Variants in NEXMIF observed in about 807,000 individuals in gnomAD.
The protein encoded by NEXMIF is neurite extension and migration factor.
Under a neutral mutation model 62.1 loss-of-function variants are expected in NEXMIF, and 8 were observed. That is an observed-to-expected ratio of 0.13 (90% CI 0.08 to 0.23). NEXMIF has a LOEUF of 0.23. Among genes scored for constraint, NEXMIF ranks in the 10% least tolerant of loss-of-function variants. The pLI is 1.00. For synonymous variants in NEXMIF, 404 were observed against 416.6 expected (o/e 0.97, Z 0.37); for missense variants, 976 against 1,113.3 (o/e 0.88, Z 1.75).
At chrX:74,906,012 G>A (rs960891444) in intron 1 of NEXMIF, among the ~76,000 whole-genome samples, 2 of 111,236 alleles carry the variant, frequency 1.8e-5, no homozygotes, top group African/African-American at 6.5e-5. Flanking sequence ...GCTCATGCCT[G>A]TAATCCCAGC....
chrX:74,740,365 C>T lies in NEXMIF; in HGVS notation c.4192G>A (p.Val1398Met). 1 of 1,212,064 alleles carries T rather than the reference C, an allele frequency of 8.3e-7. No individual in the cohort carries two copies. The highest frequency in any genetic ancestry group is 1.7e-5 in the African/African-American group (1 of 57,868). The change falls in exon 3 of 4, where the codon GTG becomes ATG. Residue 1398 changes from valine (V) to methionine (M), a missense_variant. Around this residue, in one of 5 missense-constraint regions of NEXMIF, gnomAD observed 137 missense variants for 128.9 expected, o/e 1.06. Transcript: ENST00000055682. ...ATKNHRSIKG[V>M]SKSNGKTAIG... ...GCTGTTTTCCCATTGCTTTTGCTCA[C>T]ACCCTTGATTGACCTGTGATTCTTA...
At chrX:74,816,781 A>G (rs2080377487) in intron 1 of NEXMIF, among the ~76,000 whole-genome samples, 1 of 111,904 alleles carries the variant, frequency 8.9e-6, no homozygotes, top group Admixed American at 9.5e-5. Flanking sequence ...AAATACCCCT[A>G]TCACAAGTAA....
chrX:74,794,520 G>A (rs896588409), intron 1 of NEXMIF, among the ~76,000 whole-genome samples: 27 of 112,063 alleles, frequency 2.4e-4, no homozygotes, highest in Admixed American at 1.4e-3. Flanking sequence ...CGAGCTTCCC[G>A]GCTGCTTTGT....
chrX:74,799,130 G>C (rs1263413701), intron 1 of NEXMIF, among the ~76,000 whole-genome samples: 2 of 111,359 alleles, frequency 1.8e-5, no homozygotes, highest in Non-Finnish European at 3.8e-5. Context: ...CTCCCAAAGT[G>C]CTGGAATTAC....
At chrX:74,800,887 A>C (rs895513716) in intron 1 of NEXMIF, among the ~76,000 whole-genome samples, 2 of 110,796 alleles carry the variant, frequency 1.8e-5, no homozygotes, top group African/African-American at 6.6e-5. Flanking sequence ...GGTTTTGAGG[A>C]ATGTATAATG....
chrX:74,920,682 T>C (rs1475709736), intron 1 of NEXMIF, among the ~76,000 whole-genome samples: 1 of 112,085 alleles, frequency 8.9e-6, no homozygotes, highest in Non-Finnish European at 1.9e-5. Flanking sequence ...TTTGGTGTTT[T>C]AGACATGAAG....
At position 74,741,804 on chromosome X, in the gene NEXMIF, G is replaced by A; in HGVS notation, c.2753C>T (p.Ala918Val). The change falls in exon 3 of 4, where the codon GCC (alanine) becomes GTC (valine). Residue 918 changes from alanine (A) to valine (V), a missense_variant. Ala to Val is a moderately conservative substitution (Grantham distance 64). Around this residue, in one of 5 missense-constraint regions of NEXMIF, gnomAD observed 639 missense variants for 694.5 expected, o/e 0.92. Coordinates refer to ENST00000055682, the MANE Select transcript of NEXMIF (RefSeq NM_001008537.3). ...ATTTTCCATGGAGACTACTTGGGAG[G>A]CTCCAAATTCACTGGATTGGGTTGG... Reference protein sequence around the residue: ...IAPTQSSEFGASQVVSMENNL... With the variant: ...IAPTQSSEFGVSQVVSMENNL... 1 of 1,211,742 alleles carries A rather than the reference G, an allele frequency of 8.3e-7. No homozygotes were observed. The highest frequency in any genetic ancestry group is 1.8e-5 in the South Asian group (1 of 57,019).
intron 1 of NEXMIF, among the ~76,000 whole-genome samples, chrX:74,853,717 G>C: frequency 9.0e-6 from 1 of 110,778 alleles, no homozygotes; most frequent in East Asian, 2.8e-4. Flanking sequence ...AAAAAAGAGA[G>C]AGAAGACTCA....
chrX:74,919,629 T>A (rs7885098), intron 1 of NEXMIF, among the ~76,000 whole-genome samples: 9,064 of 111,003 alleles, frequency 0.082, 926 homozygotes, highest in African/African-American at 0.28. Context: ...GTTCTTTTTT[T>A]TTATTATTAT....
chrX:74,858,134 C>T (rs1018687658), intron 1 of NEXMIF, among the ~76,000 whole-genome samples: 2 of 111,972 alleles, frequency 1.8e-5, no homozygotes, highest in African/African-American at 6.5e-5. Context: ...CGATTTGCCA[C>T]CTGTTGACTG....
chrX:74,755,859 G>A (rs368735279), intron 1 of NEXMIF, among the ~76,000 whole-genome samples: 1 of 111,889 alleles, frequency 8.9e-6, no homozygotes, highest in Non-Finnish European at 1.9e-5. Flanking sequence ...CCATCAGTAA[G>A]TGAACTCCAC....
chrX:74,806,998 T>C (rs950365763), intron 1 of NEXMIF, among the ~76,000 whole-genome samples: 24 of 112,488 alleles, frequency 2.1e-4, no homozygotes, highest in African/African-American at 7.8e-4. Flanking sequence ...ATTTTGTTTT[T>C]CCTCTTCAAC....
intron 1 of NEXMIF, among the ~76,000 whole-genome samples, chrX:74,867,426 C>G (rs1315756010): frequency 1.8e-5 from 2 of 111,715 alleles, no homozygotes; most frequent in Admixed American, 9.5e-5. Context: ...GGTACTGGTA[C>G]AAAAACAGAC....
At chrX:74,839,038 C>T (rs925299420) in intron 1 of NEXMIF, among the ~76,000 whole-genome samples, 13 of 111,197 alleles carry the variant, frequency 1.2e-4, no homozygotes, top group African/African-American at 3.6e-4. Flanking sequence ...AAATAATTAC[C>T]CTGGAAAAGT....
intron 1 of NEXMIF, among the ~76,000 whole-genome samples, chrX:74,799,541 A>G (rs1051934257): frequency 2.7e-5 from 3 of 112,656 alleles, no homozygotes; most frequent in African/African-American, 9.7e-5. Context: ...ACATGCATGC[A>G]TGCACATATA....
intron 1 of NEXMIF, among the ~76,000 whole-genome samples, chrX:74,890,128 C>T (rs1054110245): frequency 9.1e-6 from 1 of 110,018 alleles, no homozygotes; most frequent in African/African-American, 3.3e-5. Context: ...AGCCTCTATC[C>T]CCATTTTGGT....
chrX:74,888,306 C>T (rs1313094780), intron 1 of NEXMIF, among the ~76,000 whole-genome samples: 1 of 101,663 alleles, frequency 9.8e-6, no homozygotes, highest in Non-Finnish European at 2.0e-5. Flanking sequence ...AATAAACAAA[C>T]AAACAAAAAA....
Position 74,744,251 on chromosome X carries a change from T to A in NEXMIF, c.306A>T (p.Thr102=), listed in dbSNP as rs766077577. 1.2e-5 allele frequency: 15 copies of A among 1,209,491 alleles called. No homozygotes were observed. The highest frequency in any genetic ancestry group is 2.3e-4 in the Middle Eastern group (1 of 4,351). The stretch of plus-strand genomic sequence containing the variant: ...TGTTCAGGCCTTTTGCAATGCCAGA[T>A]GTGAGGGAGATGGCATTCACAGAAG... ...NSASVNAISL[T]SGIAKGLNTW... Residue 102 remains threonine (T), a synonymous_variant, in exon 3 of 4, where the codon ACA becomes ACT. Transcript: ENST00000055682.
At chrX:74,771,381 A>AT (rs1447523704) in intron 1 of NEXMIF, among the ~76,000 whole-genome samples, 29 of 110,912 alleles carry the variant, frequency 2.6e-4, no homozygotes, top group African/African-American at 7.5e-4. Flanking sequence ...GGGCTGTGGA[A>AT]TAAAAAGTCT....
Sources: gnomAD v4.1 joint callset for allele counts (sites outside exome capture counted in the v4.1 genomes callset) on GRCh38, gnomAD v4.1.1 for gene constraint, gnomAD v4.1.1 regional missense constraint, MANE v1.5 for transcripts, NCBI Gene and HGNC (gene_info 2026-07-23, HGNC 2026-07-21) for gene names.